The following DIP2B variants were observed in gnomAD, a reference collection of about 807,000 sequenced individuals.
DIP2B encodes the protein DIP2 acetate--CoA ligase B (putative).
In DIP2B, 76 loss-of-function variants were observed where a neutral mutation model predicts 198.0. That is an observed-to-expected ratio of 0.38 (90% confidence interval 0.32 to 0.46). The LOEUF (loss-of-function observed/expected upper bound fraction) is 0.46, where lower values mean the gene tolerates loss of function less well. Among genes scored for constraint, DIP2B ranks in the 20% least tolerant of loss-of-function variants. DIP2B has a pLI of 0.99. For synonymous variants in DIP2B, 701 were observed against 739.1 expected (o/e 0.95, Z 0.84); for missense variants, 1,559 against 1,978.4 (o/e 0.79, Z 4.02).
At chr12:50,714,062 T>C (rs2139576570) in intron 22 of DIP2B, among the ~76,000 whole-genome samples, 1 of 152,346 alleles carries the variant, frequency 6.6e-6, no homozygotes, top group East Asian at 1.9e-4. Context: ...TGCCATTGCA[T>C]TCCACCCCAG....
At chr12:50,739,873 C>T (rs756665213) in intron 36 of DIP2B, among the ~76,000 whole-genome samples, 2 of 152,228 alleles carry the variant, frequency 1.3e-5, no homozygotes, top group Non-Finnish European at 2.9e-5. Context: ...TCAGTCCCTG[C>T]AGGGCTGATT....
At chr12:50,708,847 G>T (rs923537435) in intron 22 of DIP2B, among the ~76,000 whole-genome samples, 5 of 152,220 alleles carry the variant, frequency 3.3e-5, no homozygotes, top group African/African-American at 9.6e-5. Context: ...GTCATATGTG[G>T]AACACATCTC....
chr12:50,651,205 A>T (rs1483837399), intron 3 of DIP2B, among the ~76,000 whole-genome samples: 1 of 152,164 alleles, frequency 6.6e-6, no homozygotes, highest in Non-Finnish European at 1.5e-5. Flanking sequence ...ACTGGGTTAT[A>T]GGAGGTCTTT....
At chr12:50,573,520 G>C (rs1205918826) in intron 1 of DIP2B, among the ~76,000 whole-genome samples, 1 of 152,200 alleles carries the variant, frequency 6.6e-6, no homozygotes, top group Non-Finnish European at 1.5e-5. Context: ...ATGTGCAATA[G>C]ATGTTGGAAA....
chr12:50,646,768 A>G (rs543583986), intron 3 of DIP2B, among the ~76,000 whole-genome samples: 1 of 152,014 alleles, frequency 6.6e-6, no homozygotes, highest in Non-Finnish European at 1.5e-5. Flanking sequence ...GATTCTTCTG[A>G]TTTAATGCTG....
intron 1 of DIP2B, among the ~76,000 whole-genome samples, chr12:50,561,765 G>C (rs1021670165): frequency 2.6e-5 from 4 of 152,238 alleles, no homozygotes; most frequent in South Asian, 2.1e-4. Context: ...GTGCAACCAT[G>C]CTTGGCTAAT....
chr12:50,561,868 TAA>T, intron 1 of DIP2B, among the ~76,000 whole-genome samples: 1 of 152,168 alleles, frequency 6.6e-6, no homozygotes. Flanking sequence ...GTCGGCCTCC[TAA>T]AATGCGGGGA....
intron 1 of DIP2B, among the ~76,000 whole-genome samples, chr12:50,525,949 T>G (rs375039688): frequency 6.6e-6 from 1 of 152,262 alleles, no homozygotes; most frequent in East Asian, 1.9e-4. Context: ...ATCTCACCAC[T>G]CTCTTTTACT....
At chr12:50,682,200 G>A (rs1939051732) in intron 9 of DIP2B, among the ~76,000 whole-genome samples, 1 of 152,170 alleles carries the variant, frequency 6.6e-6, no homozygotes, top group Admixed American at 6.5e-5. Flanking sequence ...CACGGTTTAT[G>A]TTCTATTAAT....
chr12:50,660,449 T>C, intron 4 of DIP2B, 130 bp downstream of exon 4: 1 of 1,049,166 alleles, frequency 9.5e-7, no homozygotes, highest in Non-Finnish European at 1.3e-6. Flanking sequence ...AAGAGAACAC[T>C]CTGAGGTGGC....
chr12:50,742,070 C>G (rs1407520236), intron 37 of DIP2B, among the ~76,000 whole-genome samples: 2 of 152,106 alleles, frequency 1.3e-5, no homozygotes, highest in East Asian at 3.9e-4. Flanking sequence ...AAAGGATCGT[C>G]CAACCACATA....
intron 1 of DIP2B, among the ~76,000 whole-genome samples, chr12:50,516,990 T>C (rs1044002718): frequency 5.9e-5 from 9 of 151,666 alleles, no homozygotes; most frequent in Non-Finnish European, 1.3e-4. Flanking sequence ...AGCAAGACTC[T>C]GTCTCAAAAT....
chr12:50,718,776 A>C lies in DIP2B; in HGVS notation c.2919A>C (p.Gly973=). The C allele has an allele frequency of 1.2e-6, 2 of 1,614,162 alleles. No individual in the cohort carries two copies. Among genetic ancestry groups the C allele is most frequent in the Non-Finnish European group, 1.7e-6 (2 of 1,180,024 alleles). ...GAAAACGTATAGCACAAGCTGCTGGAAGGGATCTGGGACAAATAGAAGAGA... is the reference window on the plus strand; with the variant it reads ...GAAAACGTATAGCACAAGCTGCTGGCAGGGATCTGGGACAAATAGAAGAGA... ...VAGKRIAQAA[G]RDLGQIEEND... is the part of the protein sequence containing the mutation. The change falls in exon 24 of 38, where the codon GGA becomes GGC. Residue 973 remains glycine, a synonymous_variant. Coordinates refer to ENST00000301180, the MANE Select transcript of DIP2B (RefSeq NM_173602.3).
intron 1 of DIP2B, among the ~76,000 whole-genome samples, chr12:50,529,433 A>G (rs920742995): frequency 5.3e-5 from 8 of 152,224 alleles, no homozygotes; most frequent in Non-Finnish European, 8.8e-5. Context: ...CCAATGGACC[A>G]AAGGAGTTTG....
At chr12:50,639,405 C>T (rs939977496) in intron 2 of DIP2B, among the ~76,000 whole-genome samples, 1 of 152,208 alleles carries the variant, frequency 6.6e-6, no homozygotes, top group Admixed American at 6.5e-5. Context: ...TGGCTGGGCT[C>T]AGCCGGAACT....
intron 23 of DIP2B, among the ~76,000 whole-genome samples, 188 bp from the exon 24 acceptor site, chr12:50,718,521 T>G (rs1939775741): frequency 6.6e-6 from 1 of 152,242 alleles, no homozygotes; most frequent in South Asian, 2.1e-4. Context: ...TGTATGTATT[T>G]CTTGGTTACC....
chr12:50,724,513 T>A (rs898795239), intron 27 of DIP2B, among the ~76,000 whole-genome samples: 2 of 152,226 alleles, frequency 1.3e-5, no homozygotes, highest in African/African-American at 4.8e-5. Flanking sequence ...ACTGAGATTA[T>A]AACTGAAATA....
chr12:50,569,586 C>G (rs1208349346), intron 1 of DIP2B, among the ~76,000 whole-genome samples: 1 of 152,162 alleles, frequency 6.6e-6, no homozygotes, highest in Non-Finnish European at 1.5e-5. Flanking sequence ...GGCTGGCACT[C>G]TTAACTCCTT....
chr12:50,568,527 G>A (rs1286404052), intron 1 of DIP2B, among the ~76,000 whole-genome samples: 1 of 152,168 alleles, frequency 6.6e-6, no homozygotes, highest in African/African-American at 2.4e-5. Flanking sequence ...TGTGTTCCCT[G>A]TGCTGTTTTG....
Sources: allele counts gnomAD v4.1 joint callset (sites outside exome capture counted in the v4.1 genomes callset), GRCh38; gene constraint gnomAD v4.1.1; transcripts MANE v1.5; gene names NCBI Gene and HGNC (gene_info 2026-07-23, HGNC 2026-07-21).